The following PHIP variants were observed in gnomAD, a reference collection of about 807,000 sequenced individuals.
PHIP encodes PH-interacting protein.
PHIP carries 54 observed loss-of-function variants against 236.8 expected under a neutral mutation model. That is an observed-to-expected ratio of 0.23 (90% CI 0.18 to 0.29). PHIP has a LOEUF of 0.29. Ranked by LOEUF, PHIP falls within the 10% of genes least tolerant of loss-of-function variation. The pLI is 1.00. For synonymous variants in PHIP, 756 were observed against 718.9 expected, an observed-to-expected ratio of 1.05 and a Z score of -0.83; for missense variants, 1,370 against 2,190.8, an observed-to-expected ratio of 0.63 and a Z score of 7.48.
At chr6:79,007,758 C>G (rs1166388531) in intron 15 of PHIP, among the ~76,000 whole-genome samples, 1 of 148,142 alleles carries the variant, frequency 6.8e-6, no homozygotes, top group East Asian at 2.0e-4. Flanking sequence ...TTTTAAAATA[C>G]CCTAAAATAA....
At chr6:78,946,595 T>A in intron 37 of PHIP, 116 bp downstream of exon 37, 1 of 1,425,088 alleles carries the variant, frequency 7.0e-7, no homozygotes, top group East Asian at 2.6e-5. Context: ...AACTTGCATG[T>A]CAAATTATCA....
chr6:79,001,119 A>G (rs2127731098), intron 17 of PHIP, among the ~76,000 whole-genome samples: 2 of 152,220 alleles, frequency 1.3e-5, no homozygotes, highest in South Asian at 2.1e-4. Context: ...AAATATTTTC[A>G]TAAATATTTT....
chr6:79,012,082 C>A (rs1770606525), intron 15 of PHIP, among the ~76,000 whole-genome samples: 1 of 150,998 alleles, frequency 6.6e-6, no homozygotes, highest in Non-Finnish European at 1.5e-5. Context: ...TCTAAAATTT[C>A]AAAAAAAGAA....
rs186799473 is a variant in PHIP at position 78,955,056 on chromosome 6, C to T, written c.3904-93G>A. 5.2e-6 allele frequency: 5 copies of T among 965,448 alleles called. No homozygotes were observed. The East Asian group carries it at 7.9e-5, about 15-fold the overall frequency. 59.8% of individuals were successfully genotyped at this position (965,448 alleles called of 1,614,324 possible). A position where few individuals can be genotyped will look rare whatever the true frequency, so the allele number is the denominator to read the frequency against. ...TAGTCTTAGATAATTGGGTAATATA[C>T]AATAATTCAAACAAAAGAAAATATT... On this transcript the variant is annotated intron_variant, in intron 34 of 39. Transcript: ENST00000275034.
intron 6 of PHIP, among the ~76,000 whole-genome samples, chr6:79,057,613 T>TA (rs1188550639): frequency 5.3e-5 from 8 of 152,120 alleles, no homozygotes; most frequent in Admixed American, 5.2e-4. Context: ...TAAGAAAAGC[T>TA]AAAATATCAA....
intron 4 of PHIP, among the ~76,000 whole-genome samples, chr6:79,068,834 G>A (rs1453798414): frequency 6.6e-6 from 1 of 152,130 alleles, no homozygotes; most frequent in Non-Finnish European, 1.5e-5. Flanking sequence ...ATTTGATTTA[G>A]CTGTGAAGAC....
rs571555527 is a variant in PHIP at position 79,058,956 on chromosome 6, C to G, written c.439+1522G>C. On this transcript the variant is annotated intron_variant, in intron 6 of 39. Coordinates refer to ENST00000275034, the MANE Select transcript of PHIP (RefSeq NM_017934.7). ...AATCCTATTATACCACCTTAGAATA[C>G]TTTTCTAAGTACAAATATACCCTCG... is the stretch of plus-strand genomic sequence containing the variant. Among the ~76,000 whole-genome samples the G allele has an allele frequency of 2.0e-5, 3 of 152,094 alleles. No individual in the cohort carries two copies. The South Asian group carries it at 6.2e-4, about 32-fold the overall frequency.
chr6:79,007,246 A>C (rs573723768), intron 15 of PHIP, among the ~76,000 whole-genome samples: 1 of 152,208 alleles, frequency 6.6e-6, no homozygotes, highest in African/African-American at 2.4e-5. Flanking sequence ...CAACTAACAT[A>C]ATTTTCCTGA....
intron 35 of PHIP, among the ~76,000 whole-genome samples, chr6:78,949,195 A>C (rs2127685070): frequency 6.6e-6 from 1 of 152,252 alleles, no homozygotes; most frequent in Non-Finnish European, 1.5e-5. Flanking sequence ...GGGTTTTATA[A>C]TGAATTAATG....
chr6:79,049,899 A>T (rs948376597), intron 6 of PHIP, among the ~76,000 whole-genome samples: 4 of 152,186 alleles, frequency 2.6e-5, no homozygotes, highest in Non-Finnish European at 5.9e-5. Flanking sequence ...AGTATTTAAT[A>T]AGGCATAAAA....
intron 6 of PHIP, among the ~76,000 whole-genome samples, chr6:79,049,346 G>A (rs1304730207): frequency 6.6e-6 from 1 of 152,114 alleles, no homozygotes; most frequent in Non-Finnish European, 1.5e-5. Flanking sequence ...ACAGGCGTGA[G>A]CCACCATGGC....
intron 17 of PHIP, 120 bp downstream of exon 17, chr6:79,001,779 T>C (rs768816588): frequency 3.1e-6 from 2 of 651,748 alleles, no homozygotes; most frequent in Non-Finnish European, 5.4e-6. Flanking sequence ...TATAAAAGTA[T>C]AAAACATACT....
chr6:79,072,950 A>G (rs1773959708), intron 4 of PHIP, among the ~76,000 whole-genome samples: 1 of 152,240 alleles, frequency 6.6e-6, no homozygotes, highest in Admixed American at 6.5e-5. Flanking sequence ...ACCCTTACAT[A>G]GTACTTGATT....
chr6:79,077,126 G>A (rs1774208235), intron 4 of PHIP, among the ~76,000 whole-genome samples: 1 of 151,770 alleles, frequency 6.6e-6, no homozygotes, highest in Admixed American at 6.6e-5. Context: ...CGACTCTCGC[G>A]CGCCCCCGCG....
chr6:79,065,415 T>C (rs1773575076), intron 4 of PHIP, among the ~76,000 whole-genome samples: 1 of 152,086 alleles, frequency 6.6e-6, no homozygotes, highest in Non-Finnish European at 1.5e-5. Flanking sequence ...TCCCCAACTC[T>C]CACTTTTCAC....
chr6:79,067,036 G>A (rs1053634855), intron 4 of PHIP, among the ~76,000 whole-genome samples: 3 of 151,972 alleles, frequency 2.0e-5, no homozygotes, highest in South Asian at 2.1e-4. Flanking sequence ...CTATAGGTGC[G>A]TTACATCACA....
At chr6:79,045,641 A>C (rs1466530643) in intron 6 of PHIP, among the ~76,000 whole-genome samples, 3 of 152,206 alleles carry the variant, frequency 2.0e-5, no homozygotes. Context: ...AAAGAAATTA[A>C]TAAGAGACCA....
At chr6:79,038,050 T>C (rs939823884) in intron 7 of PHIP, among the ~76,000 whole-genome samples, 10 of 152,200 alleles carry the variant, frequency 6.6e-5, no homozygotes, top group Non-Finnish European at 1.0e-4. Flanking sequence ...GAAAGTTTAG[T>C]TTATATTAAG....
At chr6:78,978,817 G>A (rs1768302031) in intron 23 of PHIP, 106 bp from the exon 24 acceptor site, 3 of 906,978 alleles carry the variant, frequency 3.3e-6, no homozygotes, top group African/African-American at 1.7e-5. Context: ...AAGGGGAAGG[G>A]CACCATTGTA....
Sources: gnomAD v4.1 joint callset for allele counts (sites outside exome capture counted in the v4.1 genomes callset) on GRCh38, gnomAD v4.1.1 for gene constraint, MANE v1.5 for transcripts, NCBI Gene and HGNC (gene_info 2026-07-23, HGNC 2026-07-21) for gene names.